ATXN1: variants seen among roughly 807,000 people sequenced by gnomAD.
ATXN1 encodes ataxin-1.
ATXN1 carries 8 observed loss-of-function variants against 56.4 expected under a neutral mutation model. That is an observed-to-expected ratio of 0.14 (90% CI 0.08 to 0.26). The LOEUF is 0.26. Ranked by LOEUF, ATXN1 falls within the 10% of genes least tolerant of loss-of-function variation. ATXN1 has a pLI of 1.00. For synonymous variants in ATXN1, 514 were observed against 494.6 expected (o/e 1.04, Z -0.52); for missense variants, 987 against 1,106.5 (o/e 0.89, Z 1.53).
At chr6:16,538,833 G>A (rs983634350) in intron 4 of ATXN1, among the ~76,000 whole-genome samples, 3 of 152,122 alleles carry the variant, frequency 2.0e-5, no homozygotes, top group African/African-American at 4.8e-5. Flanking sequence ...CTACAGGCAT[G>A]AGCCACCACA....
intron 6 of ATXN1, among the ~76,000 whole-genome samples, chr6:16,470,919 TGTGA>T (rs1760204207): frequency 6.6e-6 from 1 of 152,168 alleles, no homozygotes; most frequent in African/African-American, 2.4e-5. Context: ...ATCAGCTTAA[TGTGA>T]GTGTCTCAAC....
intron 2 of ATXN1, among the ~76,000 whole-genome samples, chr6:16,704,303 C>G (rs993768038): frequency 6.6e-6 from 1 of 151,702 alleles, no homozygotes; most frequent in Non-Finnish European, 1.5e-5. Context: ...GGAGCAGTTC[C>G]TTAACTATCA....
In ATXN1 at chr6:16,527,285, CGCAATGG is replaced by C. The variant is rs1244077089; in HGVS notation, c.-360-4604_-360-4598del. Among the ~76,000 whole-genome samples the C allele has an allele frequency of 2.6e-5, 4 of 151,940 alleles. No individual in the cohort carries two copies. The East Asian group carries it at 5.8e-4, about 22-fold the overall frequency. On this transcript the variant is annotated intron_variant, in intron 4 of 7. Transcript: ENST00000436367. Reference sequence around the variant, plus strand: ...GAGGCTGGGGAAGTGAGCATATCCCCGCAATGGGCAGAGTGTGTGGAAATCGTGTCTC... The same window carrying C: ...GAGGCTGGGGAAGTGAGCATATCCCCGCAGAGTGTGTGGAAATCGTGTCTC...
intron 6 of ATXN1, among the ~76,000 whole-genome samples, chr6:16,442,913 G>A (rs1244064339): frequency 6.6e-6 from 1 of 152,164 alleles, no homozygotes; most frequent in African/African-American, 2.4e-5. Context: ...TCAGGAGGCT[G>A]AGGCACGAGA....
intron 3 of ATXN1, among the ~76,000 whole-genome samples, chr6:16,619,680 C>A (rs1375382766): frequency 6.6e-6 from 1 of 152,098 alleles, no homozygotes; most frequent in East Asian, 1.9e-4. Context: ...TATATACATC[C>A]CTTCTGTGAT....
At chr6:16,656,187 C>T (rs1057166996) in intron 3 of ATXN1, among the ~76,000 whole-genome samples, 1 of 148,536 alleles carries the variant, frequency 6.7e-6, no homozygotes. Context: ...CCAGGAGGGA[C>T]CCCCCGAGGA....
chr6:16,624,091 C>A (rs373508006), intron 3 of ATXN1, among the ~76,000 whole-genome samples: 2 of 152,142 alleles, frequency 1.3e-5, no homozygotes, highest in East Asian at 1.9e-4. Context: ...TGGCTCGCAC[C>A]TGTAATCCCA....
intron 6 of ATXN1, among the ~76,000 whole-genome samples, chr6:16,404,854 C>G (rs529489501): frequency 6.6e-6 from 1 of 152,186 alleles, no homozygotes; most frequent in African/African-American, 2.4e-5. Context: ...GTCCCACCCC[C>G]ACCTCACACC....
intron 2 of ATXN1, among the ~76,000 whole-genome samples, chr6:16,730,021 G>A (rs549939344): frequency 5.8e-4 from 88 of 152,338 alleles, no homozygotes; most frequent in Non-Finnish European, 3.5e-4. Context: ...GATGGCGCAC[G>A]CCTGTAATCC....
chr6:16,704,672 A>G (rs1759367655), intron 2 of ATXN1, among the ~76,000 whole-genome samples: 1 of 152,104 alleles, frequency 6.6e-6, no homozygotes, highest in African/African-American at 2.4e-5. Context: ...CCGGGGTGAA[A>G]CAATTCCTTA....
At chr6:16,402,032 C>G (rs7739829) in intron 6 of ATXN1, among the ~76,000 whole-genome samples, 5,414 of 152,158 alleles carry the variant, frequency 0.036, 99 homozygotes, top group African/African-American at 0.047. Flanking sequence ...GGGAATGCCT[C>G]TTTTTAAAAC....
intron 2 of ATXN1, among the ~76,000 whole-genome samples, chr6:16,704,847 G>A (rs1321586760): frequency 6.6e-6 from 1 of 152,182 alleles, no homozygotes; most frequent in South Asian, 2.1e-4. Context: ...ATTTCCAAAC[G>A]TCTGCACCAA....
intron 2 of ATXN1, among the ~76,000 whole-genome samples, chr6:16,730,487 G>GTATATATATATATATATATATATATATA (rs4052880): frequency 3.8e-5 from 5 of 132,046 alleles, no homozygotes; most frequent in East Asian, 2.1e-4. Context: ...AAAACAGTAT[G>GTATATATATATATATATATATATATATA]TATATATATA....
chr6:16,645,803 A>C (rs1446384109), intron 3 of ATXN1, among the ~76,000 whole-genome samples: 1 of 152,264 alleles, frequency 6.6e-6, no homozygotes, highest in Non-Finnish European at 1.5e-5. Context: ...AGGAAATTGT[A>C]CAAAACATGT....
chr6:16,656,367 C>T (rs997494334), intron 3 of ATXN1, among the ~76,000 whole-genome samples: 2 of 152,132 alleles, frequency 1.3e-5, no homozygotes, highest in East Asian at 1.9e-4. Context: ...ATCAGTTAGG[C>T]ACATACATCT....
intron 2 of ATXN1, among the ~76,000 whole-genome samples, chr6:16,680,621 T>C (rs900308580): frequency 2.2e-4 from 34 of 152,292 alleles, no homozygotes; most frequent in African/African-American, 7.9e-4. Context: ...GGAAACCAGT[T>C]ACTGTCCTAT....
chr6:16,438,187 C>T (rs919749196), intron 6 of ATXN1, among the ~76,000 whole-genome samples: 1 of 152,148 alleles, frequency 6.6e-6, no homozygotes, highest in Non-Finnish European at 1.5e-5. Context: ...TGGCTAATGC[C>T]GGCTCGCCTG....
intron 2 of ATXN1, among the ~76,000 whole-genome samples, chr6:16,731,023 T>C (rs547725878): frequency 6.6e-6 from 1 of 152,290 alleles, no homozygotes; most frequent in South Asian, 2.1e-4. Context: ...TTGCACAATT[T>C]CACATTCCTG....
intron 5 of ATXN1, among the ~76,000 whole-genome samples, chr6:16,487,029 C>T (rs1760561266): frequency 6.6e-6 from 1 of 152,114 alleles, no homozygotes; most frequent in Non-Finnish European, 1.5e-5. Context: ...TTTTCCACAC[C>T]TGGATTTCTT....
Sources: gnomAD v4.1 joint callset for allele counts (sites outside exome capture counted in the v4.1 genomes callset) on GRCh38, gnomAD v4.1.1 for gene constraint, MANE v1.5 for transcripts, NCBI Gene and HGNC (gene_info 2026-07-23, HGNC 2026-07-21) for gene names.